Variants in USP25 observed in about 807,000 individuals in gnomAD.
USP25 encodes ubiquitin specific peptidase 25.
USP25 carries 85 observed loss-of-function variants against 158.5 expected under a neutral mutation model. The observed-to-expected ratio is 0.54, with a 90% CI of 0.45 to 0.64. The LOEUF (loss-of-function observed/expected upper bound fraction) is 0.64, where lower values mean the gene tolerates loss of function less well. USP25 is among the 30% of genes least tolerant of loss of function. The pLI is 0.00. For synonymous variants in USP25, 464 were observed against 460.4 expected, an observed-to-expected ratio of 1.01 and a Z score of -0.10; for missense variants, 1,242 against 1,327.3, an observed-to-expected ratio of 0.94 and a Z score of 1.00.
At chr21:15,743,334 T>TC (rs1392092905) in intron 1 of USP25, among the ~76,000 whole-genome samples, 2 of 152,186 alleles carry the variant, frequency 1.3e-5, no homozygotes, top group Non-Finnish European at 2.9e-5. Flanking sequence ...TTTGGCGAGT[T>TC]CTGGGTTTTT....
At chr21:15,793,183 T>G (rs2035683998) in intron 5 of USP25, among the ~76,000 whole-genome samples, 2 of 151,610 alleles carry the variant, frequency 1.3e-5, no homozygotes, top group Admixed American at 6.6e-5. Context: ...TACATGAGGG[T>G]CATTGATTAG....
At chr21:15,809,018 G>A in intron 8 of USP25, 133 bp downstream of exon 8, 1 of 637,688 alleles carries the variant, frequency 1.6e-6, no homozygotes, top group South Asian at 3.9e-5. Flanking sequence ...TTGACAAGCT[G>A]TTTAGAATTT....
intron 23 of USP25, among the ~76,000 whole-genome samples, chr21:15,871,580 T>C (rs1444892705): frequency 6.6e-6 from 1 of 152,226 alleles, no homozygotes; most frequent in East Asian, 1.9e-4. Flanking sequence ...TATTCATTTA[T>C]CTCAATAAGA....
chr21:15,786,318 A>G (rs1216124747), intron 4 of USP25, among the ~76,000 whole-genome samples: 2 of 152,176 alleles, frequency 1.3e-5, no homozygotes, highest in Non-Finnish European at 2.9e-5. Context: ...TTCAAAAACT[A>G]GACAAGGACA....
Position 15,811,096 on chromosome 21 carries a change from C to T in USP25, c.858-41C>T, listed in dbSNP as rs762325659. The T allele has an allele frequency of 4.1e-5, 64 of 1,554,496 alleles. No individual in the cohort carries two copies. In the Admixed American group the frequency reaches 8.8e-4, roughly 21 times the overall value. On this transcript the variant is annotated intron_variant, in intron 8 of 25. Coordinates refer to ENST00000400183, the MANE Select transcript of USP25 (RefSeq NM_001283041.3). The stretch of plus-strand genomic sequence containing the variant: ...TTAATATTTTCTCTATTTATAGGTC[C>T]GAAAATTGTAATCACATTTATATTT...
chr21:15,776,019 A>C (rs971523016), intron 3 of USP25, among the ~76,000 whole-genome samples: 6 of 151,942 alleles, frequency 3.9e-5, no homozygotes, highest in African/African-American at 1.5e-4. Context: ...TCCTTTCTCT[A>C]CTTAGACCTA....
At chr21:15,800,543 A>T (rs892981992) in intron 6 of USP25, among the ~76,000 whole-genome samples, 8 of 151,400 alleles carry the variant, frequency 5.3e-5, no homozygotes, top group African/African-American at 1.7e-4. Flanking sequence ...AATTAAAAAA[A>T]AAAAAAGACT....
At chr21:15,846,231 C>T (rs1263444996) in intron 18 of USP25, among the ~76,000 whole-genome samples, 3 of 135,288 alleles carry the variant, frequency 2.2e-5, no homozygotes, top group Non-Finnish European at 4.6e-5. Context: ...GGTGCAGTCT[C>T]AGCTCTCTGC....
chr21:15,875,044 C>T lies in USP25; in HGVS notation c.3009+518C>T, dbSNP rs60372381. Among the ~76,000 whole-genome samples the T allele has an allele frequency of 0.064, 9,665 of 151,970 alleles. 376 individuals are homozygous for T. Among genetic ancestry groups the T allele is most frequent in the African/African-American group, 0.098 (4,048 of 41,396 alleles). Reference sequence around the variant, plus strand: ...AAAATTAGCTGGATATGGTGGTGTGCGCCTGTAGTCTCAACTACTCAGGAG... The same window carrying T: ...AAAATTAGCTGGATATGGTGGTGTGTGCCTGTAGTCTCAACTACTCAGGAG... On this transcript the variant is annotated intron_variant, in intron 24 of 25. Transcript: ENST00000400183. The surrounding 1 kb of genome is among the most constrained non-coding windows in gnomAD (Gnocchi z 4.7).
Position 15,878,690 on chromosome 21 carries a change from A to G in USP25, c.*215A>G, listed in dbSNP as rs1399128196. 4.9e-6 allele frequency: 2 copies of G among 410,800 alleles called. No individual in the cohort carries two copies. Among genetic ancestry groups the G allele is most frequent in the East Asian group, 3.9e-5 (1 of 25,760 alleles). The allele number at this position is 410,800 out of a possible 1,614,324, so 25.4% of individuals were successfully genotyped here. ...CAGACATTTTAACCGGAACTGATGT[A>G]TAATCACAAATCTAATTGATTTTAT... On this transcript the variant is annotated 3_prime_UTR_variant, in exon 26 of 26. Transcript: ENST00000400183.
At chr21:15,823,045 T>A (rs2037312430) in intron 10 of USP25, among the ~76,000 whole-genome samples, 1 of 152,064 alleles carries the variant, frequency 6.6e-6, no homozygotes, top group Non-Finnish European at 1.5e-5. Context: ...GTGCCATTCA[T>A]GCTTTTTTTG....
intron 20 of USP25, among the ~76,000 whole-genome samples, chr21:15,859,923 T>C (rs1231666163): frequency 6.7e-6 from 1 of 149,016 alleles, no homozygotes; most frequent in Non-Finnish European, 1.5e-5. Flanking sequence ...ATTTTATTTT[T>C]CTAAATTCTT....
intron 1 of USP25, among the ~76,000 whole-genome samples, chr21:15,741,899 A>G (rs1176776770): frequency 1.3e-5 from 2 of 152,226 alleles, no homozygotes; most frequent in African/African-American, 2.4e-5. Context: ...TCATGCCTCA[A>G]AGTAAATATT....
In USP25 at chr21:15,877,789, C is replaced by A; in HGVS notation, c.3010-7C>A. The A allele has an allele frequency of 3.8e-6, 6 of 1,582,666 alleles. No homozygotes were observed. Among genetic ancestry groups the A allele is most frequent in the South Asian group, 2.3e-5 (2 of 85,768 alleles). ...CTATTCTTTTTTTTTTCCTGCATTG[C>A]ATTAAGAAATTAAATGAGCAAGCCG... On this transcript the variant is annotated splice_polypyrimidine_tract_variant and splice_region_variant and intron_variant, in intron 24 of 25. Coordinates refer to ENST00000400183, the MANE Select transcript of USP25 (RefSeq NM_001283041.3).
At chr21:15,772,744 T>C (rs573117796) in intron 3 of USP25, among the ~76,000 whole-genome samples, 2 of 152,236 alleles carry the variant, frequency 1.3e-5, no homozygotes, top group Non-Finnish European at 2.9e-5. Flanking sequence ...AAAGAATAAA[T>C]TGGGTTTAAC....
At chr21:15,856,770 CAGA>C (rs2039170386) in intron 20 of USP25, among the ~76,000 whole-genome samples, 1 of 151,882 alleles carries the variant, frequency 6.6e-6, no homozygotes, top group African/African-American at 2.4e-5. Flanking sequence ...CGCACCCGGC[CAGA>C]AGTATACTCT....
At chr21:15,831,141 C>T (rs992921893) in intron 15 of USP25, among the ~76,000 whole-genome samples, 1 of 152,162 alleles carries the variant, frequency 6.6e-6, no homozygotes. Context: ...AGTATGTACA[C>T]AATAAATACA....
chr21:15,763,004 A>T, intron 2 of USP25, 36 bp downstream of exon 2: 14 of 1,573,820 alleles, frequency 8.9e-6, no homozygotes, highest in Non-Finnish European at 1.2e-5. Flanking sequence ...AGTTTGTGGT[A>T]TATGCTCATC....
Position 15,879,843 on chromosome 21 carries a change from C to CTAG in USP25, c.*1371_*1373dup, listed in dbSNP as rs547638525. 1.9e-4 allele frequency: 29 copies of CTAG among 152,508 alleles called. No homozygotes were observed. The East Asian group carries it at 5.4e-3, about 28-fold the overall frequency. 9.4% of individuals were successfully genotyped at this position (152,508 alleles called of 1,614,324 possible). On this transcript the variant is annotated 3_prime_UTR_variant, in exon 26 of 26. Coordinates refer to ENST00000400183, the MANE Select transcript of USP25 (RefSeq NM_001283041.3). ...TGCTGTTTGTAAAGGTATTAATGTA[C>CTAG]TAGTAAGGTGTTAATGACAAGGAAT...
Sources: gnomAD v4.1 joint callset for allele counts (sites outside exome capture counted in the v4.1 genomes callset) on GRCh38, gnomAD v4.1.1 for gene constraint, Gnocchi (gnomAD v3.1) non-coding constraint, MANE v1.5 for transcripts, NCBI Gene and HGNC (gene_info 2026-07-23, HGNC 2026-07-21) for gene names.